FAM193A: variants seen among roughly 807,000 people sequenced by gnomAD.
FAM193A encodes family with sequence similarity 193 member A, also known as protein FAM193A.
A neutral mutation model predicts 126.5 loss-of-function variants in FAM193A; 22 were observed. That is an observed-to-expected ratio of 0.17 (90% CI 0.12 to 0.25). The LOEUF is 0.25. Among genes scored for constraint, FAM193A ranks in the 10% least tolerant of loss-of-function variants. The pLI is 1.00. For missense variants in FAM193A, 1,675 were observed against 1,672.8 expected, an observed-to-expected ratio of 1.00 and a Z score of -0.02; for synonymous variants, 761 against 646.8, an observed-to-expected ratio of 1.18 and a Z score of -2.68.
chr4:2,601,951 G>A (rs1005389614), intron 2 of FAM193A, among the ~76,000 whole-genome samples: 4 of 152,020 alleles, frequency 2.6e-5, no homozygotes, highest in African/African-American at 9.7e-5. Context: ...GGATTCTCCT[G>A]CCTCAGTCTC....
intron 8 of FAM193A, among the ~76,000 whole-genome samples, chr4:2,658,754 T>C (rs113685699): frequency 0.014 from 2,139 of 152,114 alleles, 25 homozygotes; most frequent in Non-Finnish European, 0.019. Flanking sequence ...GTGCTTTTGT[T>C]GTTGTTGTTG....
At chr4:2,714,159 C>A (rs185869104) in intron 19 of FAM193A, among the ~76,000 whole-genome samples, 1 of 152,238 alleles carries the variant, frequency 6.6e-6, no homozygotes, top group African/African-American at 2.4e-5. Flanking sequence ...TAGATCTTCA[C>A]TTTTTGTACA....
At chr4:2,575,079 A>G (rs1027294191) in intron 1 of FAM193A, among the ~76,000 whole-genome samples, 3 of 152,200 alleles carry the variant, frequency 2.0e-5, no homozygotes, top group Non-Finnish European at 4.4e-5. Context: ...AGGCAGCACT[A>G]GGCCTTCCAC....
intron 2 of FAM193A, among the ~76,000 whole-genome samples, chr4:2,609,372 G>A (rs1401593422): frequency 6.6e-6 from 1 of 152,048 alleles, no homozygotes; most frequent in Admixed American, 6.6e-5. Context: ...TTTCTTTAAA[G>A]GGCCCTGAAC....
At chr4:2,624,237 C>T (rs1217924197) in intron 2 of FAM193A, among the ~76,000 whole-genome samples, 2 of 151,802 alleles carry the variant, frequency 1.3e-5, no homozygotes, top group Admixed American at 6.6e-5. Context: ...AGTGCGGTGG[C>T]GCGATCTCGG....
At chr4:2,655,266 A>G (rs1236348849) in intron 7 of FAM193A, 1 of 465,322 alleles carries the variant, frequency 2.1e-6, no homozygotes, top group East Asian at 3.1e-5. Flanking sequence ...GTCAAAATTG[A>G]TGGTATGATT....
chr4:2,605,833 T>G lies in FAM193A; in HGVS notation c.501+9504T>G, dbSNP rs372639650. Among the ~76,000 whole-genome samples, 4 of 151,628 alleles carry G rather than the reference T, an allele frequency of 2.6e-5. 1 individual carries two copies. Among genetic ancestry groups the G allele is most frequent in the East Asian group, 2.0e-4 (1 of 5,036 alleles). On this transcript the variant is annotated intron_variant, in intron 2 of 20. Coordinates refer to ENST00000637812, the MANE Select transcript of FAM193A (RefSeq NM_001366318.2). Reference sequence around the variant, plus strand: ...CTGAAAATACAAAATTAGCCCGTCATGGTGGCACATGCCTGTAATCCCAGC... The same window carrying G: ...CTGAAAATACAAAATTAGCCCGTCAGGGTGGCACATGCCTGTAATCCCAGC...
intron 13 of FAM193A, among the ~76,000 whole-genome samples, chr4:2,677,728 G>A (rs1293429637): frequency 2.0e-5 from 3 of 148,418 alleles, no homozygotes; most frequent in Admixed American, 2.0e-4. Context: ...GCAACAAGAG[G>A]GAAACACTGT....
intron 19 of FAM193A, chr4:2,715,405 G>A (rs1476392462): frequency 3.0e-6 from 2 of 659,826 alleles, no homozygotes; most frequent in East Asian, 2.7e-4. Flanking sequence ...GGAGGTTCCA[G>A]TGAGCCGAGA....
intron 1 of FAM193A, among the ~76,000 whole-genome samples, chr4:2,576,089 G>GTTATTTAT (rs144324210): frequency 3.9e-5 from 6 of 151,900 alleles, no homozygotes; most frequent in South Asian, 2.1e-4. Flanking sequence ...CACATACCCA[G>GTTATTTAT]TTATTTATTT....
intron 7 of FAM193A, among the ~76,000 whole-genome samples, chr4:2,648,790 C>T (rs1745384181): frequency 6.6e-6 from 1 of 152,192 alleles, no homozygotes; most frequent in African/African-American, 2.4e-5. Flanking sequence ...TTGGGGGAAG[C>T]TAGGACAGTG....
chr4:2,697,903 C>T (rs1271176674), intron 18 of FAM193A, among the ~76,000 whole-genome samples: 2 of 152,186 alleles, frequency 1.3e-5, no homozygotes, highest in Non-Finnish European at 2.9e-5. Context: ...TCACTGGAGG[C>T]CTCTGGGACG....
At chr4:2,725,713 CTTTTT>C (rs869232598) in intron 20 of FAM193A, among the ~76,000 whole-genome samples, 1 of 140,248 alleles carries the variant, frequency 7.1e-6, no homozygotes, top group African/African-American at 2.6e-5. Flanking sequence ...TTCTTGACAA[CTTTTT>C]TTTTTTTTTT....
At chr4:2,548,694 TG>T (rs1737721544) in intron 1 of FAM193A, among the ~76,000 whole-genome samples, 1 of 150,300 alleles carries the variant, frequency 6.7e-6, no homozygotes, top group Non-Finnish European at 1.5e-5. Flanking sequence ...TGACCTCAAG[TG>T]ATCTACCGGC....
intron 1 of FAM193A, among the ~76,000 whole-genome samples, chr4:2,590,332 G>A (rs1337244211): frequency 6.6e-6 from 1 of 151,130 alleles, no homozygotes; most frequent in Admixed American, 6.6e-5. Flanking sequence ...GGGCGTGGTG[G>A]CTCCTGCCTG....
At chr4:2,570,298 T>C (rs756524631) in intron 1 of FAM193A, among the ~76,000 whole-genome samples, 1 of 152,140 alleles carries the variant, frequency 6.6e-6, no homozygotes, top group Non-Finnish European at 1.5e-5. Context: ...TGTTCAGATA[T>C]CTTCTGTTTG....
intron 1 of FAM193A, among the ~76,000 whole-genome samples, chr4:2,564,692 T>G (rs1738828676): frequency 6.6e-6 from 1 of 152,130 alleles, no homozygotes; most frequent in African/African-American, 2.4e-5. Flanking sequence ...CAGCAAATAT[T>G]TTTGGAGTAT....
chr4:2,594,125 G>A (rs1279958367), intron 1 of FAM193A, among the ~76,000 whole-genome samples: 1 of 152,144 alleles, frequency 6.6e-6, no homozygotes, highest in Admixed American at 6.5e-5. Context: ...GGAAACATGT[G>A]AGAATATATA....
At position 2,605,321 on chromosome 4, in the gene FAM193A, A is replaced by G. The variant is rs117453579; in HGVS notation, c.501+8992A>G. 1.9e-4 allele frequency among the ~76,000 whole-genome samples: 29 copies of G among 152,270 alleles called. No individual in the cohort carries two copies. The East Asian group carries it at 5.4e-3, about 28-fold the overall frequency. Reference sequence around the variant, plus strand: ...TCACTCTTACTGTTCTTTGTTAGTTATATCACCTAAGCATCTACCCACAAA... The same window carrying G: ...TCACTCTTACTGTTCTTTGTTAGTTGTATCACCTAAGCATCTACCCACAAA... On this transcript the variant is annotated intron_variant, in intron 2 of 20. Transcript: ENST00000637812.
Sources: allele counts gnomAD v4.1 joint callset (sites outside exome capture counted in the v4.1 genomes callset), GRCh38; gene constraint gnomAD v4.1.1; transcripts MANE v1.5; gene names NCBI Gene and HGNC (gene_info 2026-07-23, HGNC 2026-07-21).